FGF13: variants seen among roughly 807,000 people sequenced by gnomAD.
The protein encoded by FGF13 is fibroblast growth factor homologous factor 2.
In FGF13, 2 loss-of-function variants were observed where a neutral mutation model predicts 19.5. The observed-to-expected ratio is 0.10, with a 90% CI of 0.04 to 0.32. The LOEUF (loss-of-function observed/expected upper bound fraction) is 0.32, where lower values mean the gene tolerates loss of function less well. Among genes scored for constraint, FGF13 ranks in the 10% least tolerant of loss-of-function variants. The pLI is 1.00. For missense variants in FGF13, 113 were observed against 192.7 expected (o/e 0.59, Z 2.45); for synonymous variants, 72 against 76.9 (o/e 0.94, Z 0.33).
chrX:138,862,473 A>T (rs767685128), intron 2 of FGF13, among the ~76,000 whole-genome samples: 1 of 112,023 alleles, frequency 8.9e-6, no homozygotes, highest in East Asian at 2.8e-4. Flanking sequence ...TCTATGAAAC[A>T]GAAAATATGG....
At chrX:138,674,342 G>A (rs907629673) in intron 3 of FGF13, among the ~76,000 whole-genome samples, 14 of 111,949 alleles carry the variant, frequency 1.3e-4, no homozygotes, top group African/African-American at 4.5e-4. Flanking sequence ...TGGTCATTAA[G>A]TTTAAGCAAA....
rs34038080 is a variant in FGF13 at position 138,749,322 on chromosome X, TACACACACACACACAC to T, written c.218-40410_218-40395del. On this transcript the variant is annotated intron_variant, in intron 3 of 6. Coordinates refer to the FGF13 transcript ENST00000436198. ...TAGTCCCAGGGGGGAGAGACCAAAA[TACACACACACACACAC>T]ACACACACACACACACACACACACA... 2.9e-3 allele frequency among the ~76,000 whole-genome samples: 240 copies of T among 81,693 alleles called. 1 individual carries two copies. Among genetic ancestry groups the T allele is most frequent in the Middle Eastern group, 6.9e-3 (1 of 144 alleles). 70.9% of individuals were successfully genotyped at this position (81,693 alleles called of 115,157 possible). A position where few individuals can be genotyped will look rare whatever the true frequency, so the allele number is the denominator to read the frequency against.
chrX:139,091,541 C>T (rs1232315923), intron 1 of FGF13, among the ~76,000 whole-genome samples: 2 of 111,388 alleles, frequency 1.8e-5, no homozygotes, highest in Non-Finnish European at 3.8e-5. Flanking sequence ...AAGGAGCTTA[C>T]TGTCCACTGA....
chrX:138,780,224 C>A (rs189721000), intron 3 of FGF13, among the ~76,000 whole-genome samples: 169 of 108,336 alleles, frequency 1.6e-3, no homozygotes, highest in African/African-American at 5.3e-3. Context: ...CAAAATGAAA[C>A]GACCATCGAG....
chrX:138,851,110 A>C (rs970208014), intron 3 of FGF13, among the ~76,000 whole-genome samples: 4 of 111,820 alleles, frequency 3.6e-5, no homozygotes, highest in African/African-American at 1.3e-4. Context: ...CAGTGTATAT[A>C]TACCACATTT....
intron 1 of FGF13, among the ~76,000 whole-genome samples, chrX:138,933,762 A>G (rs1349632256): frequency 1.8e-5 from 2 of 111,769 alleles, no homozygotes; most frequent in African/African-American, 6.5e-5. Flanking sequence ...AAATATTTTC[A>G]TCATGTCAAT....
chrX:139,047,078 T>C (rs1314413071), intron 1 of FGF13, among the ~76,000 whole-genome samples: 1 of 112,623 alleles, frequency 8.9e-6, no homozygotes, highest in Non-Finnish European at 1.9e-5. Context: ...CTGAGAGCCT[T>C]GCTGAGGATT....
At chrX:138,702,804 A>C (rs2124234937) in intron 3 of FGF13, among the ~76,000 whole-genome samples, 180 bp downstream of exon 3, 1 of 112,731 alleles carries the variant, frequency 8.9e-6, no homozygotes, top group South Asian at 3.6e-4. Flanking sequence ...GCTTCAAATA[A>C]CTGATTAGTA....
intron 1 of FGF13, among the ~76,000 whole-genome samples, chrX:138,889,912 C>T (rs1475619492): frequency 1.8e-5 from 2 of 108,298 alleles, no homozygotes; most frequent in Non-Finnish European, 3.8e-5. Flanking sequence ...GAATATGTTA[C>T]CCAACCTCTC....
chrX:138,676,070 T>G (rs149923814), intron 3 of FGF13, among the ~76,000 whole-genome samples: 1 of 112,249 alleles, frequency 8.9e-6, no homozygotes, highest in Non-Finnish European at 1.9e-5. Context: ...AGCATCATTA[T>G]TATTAACTAA....
intron 1 of FGF13, among the ~76,000 whole-genome samples, chrX:138,719,425 T>C (rs1324137747): frequency 2.7e-5 from 3 of 112,190 alleles, no homozygotes; most frequent in Non-Finnish European, 5.6e-5. Context: ...TGTTATTCTA[T>C]GTTTCCTAGC....
chrX:138,724,560 T>C (rs1311793223), intron 1 of FGF13, among the ~76,000 whole-genome samples: 2 of 111,774 alleles, frequency 1.8e-5, no homozygotes, highest in Admixed American at 9.5e-5. Context: ...TAGTCAAAGG[T>C]AATTCATTTT....
intron 3 of FGF13, among the ~76,000 whole-genome samples, chrX:138,804,560 A>G (rs1433357284): frequency 8.9e-5 from 10 of 112,312 alleles, no homozygotes; most frequent in African/African-American, 3.2e-4. Context: ...ATGTGTACAC[A>G]TTCACACAAA....
chrX:139,066,917 A>G (rs1373850766), intron 1 of FGF13, among the ~76,000 whole-genome samples: 1 of 111,502 alleles, frequency 9.0e-6, no homozygotes, highest in Non-Finnish European at 1.9e-5. Context: ...GCAGCACATC[A>G]AAAAGCTTAT....
At chrX:138,642,016 G>A (rs1477014929) in intron 3 of FGF13, among the ~76,000 whole-genome samples, 1 of 110,807 alleles carries the variant, frequency 9.0e-6, no homozygotes, top group African/African-American at 3.3e-5. Flanking sequence ...TCCAAAAAAG[G>A]GTTAAATGTG....
chrX:138,986,847 C>A (rs2091996460), intron 1 of FGF13, among the ~76,000 whole-genome samples: 1 of 111,854 alleles, frequency 8.9e-6, no homozygotes, highest in Non-Finnish European at 1.9e-5. Context: ...AAAATTATAT[C>A]AAAATAGTCA....
chrX:139,151,074 G>A (rs1314656933), intron 1 of FGF13, among the ~76,000 whole-genome samples: 19 of 108,627 alleles, frequency 1.7e-4, no homozygotes, highest in African/African-American at 6.2e-4. Flanking sequence ...TCTCCAAAGG[G>A]TTGAAGTTGG....
At chrX:139,041,802 T>C (rs184478663) in intron 1 of FGF13, among the ~76,000 whole-genome samples, 4 of 112,185 alleles carry the variant, frequency 3.6e-5, no homozygotes, top group Non-Finnish European at 7.5e-5. Context: ...TAAGATGGCA[T>C]TTGAACACAA....
At chrX:139,043,702 G>C (rs988926971) in intron 1 of FGF13, among the ~76,000 whole-genome samples, 4 of 111,874 alleles carry the variant, frequency 3.6e-5, no homozygotes, top group African/African-American at 1.3e-4. Flanking sequence ...TAGCCAAAAA[G>C]TGGAAACGGC....
Sources: gnomAD v4.1 joint callset for allele counts (sites outside exome capture counted in the v4.1 genomes callset) on GRCh38, gnomAD v4.1.1 for gene constraint, MANE v1.5 for transcripts, NCBI Gene and HGNC (gene_info 2026-07-23, HGNC 2026-07-21) for gene names.